The following CACNG7 variants were observed in gnomAD, a reference collection of about 807,000 sequenced individuals.
CACNG7 encodes the protein voltage-dependent calcium channel gamma-7 subunit.
Under a neutral mutation model 26.3 loss-of-function variants are expected in CACNG7, and 9 were observed. The observed-to-expected ratio is 0.34, with a 90% CI of 0.21 to 0.60. The LOEUF is 0.60. Ranked by LOEUF, CACNG7 falls within the 20% of genes least tolerant of loss-of-function variation. CACNG7 has a pLI of 0.81. For synonymous variants in CACNG7, 170 were observed against 157.0 expected (o/e 1.08, Z -0.62); for missense variants, 297 against 380.4 (o/e 0.78, Z 1.82).
rs1214329802 is a variant in CACNG7 at position 53,912,873 on chromosome 19, C to T, written c.42C>T (p.Ser14=). The T allele has an allele frequency of 1.9e-6, 3 of 1,613,852 alleles. No individual in the cohort carries two copies. The highest frequency in any genetic ancestry group is 2.2e-5 in the East Asian group (1 of 44,876). ...CSSRALTLLS[S]VFGACGLLLV... is the part of the protein sequence containing the mutation. ...GCCGCGCCCTGACCCTGCTGAGCAG[C>T]GTGTTTGGTGCGTGTGGCCTGCTCC... Residue 14 remains serine (S), a synonymous_variant, in exon 2 of 6, where the codon AGC becomes AGT. Transcript: ENST00000391767. The surrounding 1 kb of genome is among the most constrained non-coding windows in gnomAD (Gnocchi z 4.6).
At chr19:53,936,955 G>A (rs900625874) in intron 4 of CACNG7, among the ~76,000 whole-genome samples, 4 of 151,958 alleles carry the variant, frequency 2.6e-5, no homozygotes, top group East Asian at 1.9e-4. Flanking sequence ...TCACCCAGGC[G>A]GGAGTGCAGT....
chr19:53,909,395 CG>C lies in CACNG7; in HGVS notation c.-147del. ...GGGGCCGGGACGCCGGGCTCCGGGGCGGGGGCGGGGGGCGCGGGCACCGGCG... is the reference window on the plus strand; with the variant it reads ...GGGGCCGGGACGCCGGGCTCCGGGGCGGGGCGGGGGGCGCGGGCACCGGCG... On this transcript the variant is annotated 5_prime_UTR_variant, in exon 1 of 6. Coordinates refer to ENST00000391767, the MANE Select transcript of CACNG7 (RefSeq NM_031896.5). The surrounding 1 kb of genome is among the most constrained non-coding windows in gnomAD (Gnocchi z 5.1). 7.5e-6 allele frequency: 1 copy of C among 133,568 alleles called. No homozygotes were observed. Among genetic ancestry groups the C allele is most frequent in the South Asian group, 2.7e-4 (1 of 3,684 alleles). 8.3% of individuals were successfully genotyped at this position (133,568 alleles called of 1,614,324 possible).
At chr19:53,922,005 G>C (rs1379338243) in intron 4 of CACNG7, among the ~76,000 whole-genome samples, 2 of 87,250 alleles carry the variant, frequency 2.3e-5, no homozygotes, top group Non-Finnish European at 2.2e-5. Context: ...GTCATTGGTG[G>C]AGTTGTCCCC....
At chr19:53,941,803 TG>T in intron 5 of CACNG7, 188 bp downstream of exon 5, 1 of 868,934 alleles carries the variant, frequency 1.2e-6, no homozygotes, top group Non-Finnish European at 1.7e-6. Flanking sequence ...TTTGGGATCC[TG>T]GGGGAGGAGG....
At chr19:53,927,860 A>G (rs1406365861) in intron 4 of CACNG7, among the ~76,000 whole-genome samples, 1 of 144,288 alleles carries the variant, frequency 6.9e-6, no homozygotes, top group Non-Finnish European at 1.5e-5. Context: ...AAAAGGAAAG[A>G]AAAAAAGAAG....
At chr19:53,932,322 T>C (rs2069078624) in intron 4 of CACNG7, among the ~76,000 whole-genome samples, 1 of 151,660 alleles carries the variant, frequency 6.6e-6, no homozygotes, top group Non-Finnish European at 1.5e-5. Flanking sequence ...ATGAAATTCA[T>C]GGATCCTGCA....
At chr19:53,931,623 G>C (rs1031400706) in intron 4 of CACNG7, among the ~76,000 whole-genome samples, 1 of 146,882 alleles carries the variant, frequency 6.8e-6, no homozygotes, top group South Asian at 2.2e-4. Context: ...AGGAGGTGGA[G>C]GTTGCAGTGA....
chr19:53,931,759 CTTT>C (rs776971448), intron 4 of CACNG7, among the ~76,000 whole-genome samples: 3 of 108,744 alleles, frequency 2.8e-5, no homozygotes, highest in East Asian at 5.6e-4. Flanking sequence ...ACAACGCTGA[CTTT>C]TTTTTTTTTT....
intron 4 of CACNG7, among the ~76,000 whole-genome samples, chr19:53,937,118 G>C (rs916731468): frequency 2.0e-5 from 3 of 152,052 alleles, no homozygotes; most frequent in African/African-American, 4.8e-5. Flanking sequence ...TTGAGCTGCT[G>C]ACCTCAAGTG....
Position 53,909,874 on chromosome 19 carries a change from G to A in CACNG7, c.-30+357G>A, listed in dbSNP as rs1007642461. Among the ~76,000 whole-genome samples, 2 of 152,140 alleles carry A rather than the reference G, an allele frequency of 1.3e-5. No individual in the cohort carries two copies. Among genetic ancestry groups the A allele is most frequent in the African/African-American group, 4.8e-5 (2 of 41,434 alleles). ...GGGTCTGGAAAGGGGTCCCAGAAAG[G>A]GGGAGTTACGGTCTCCCGAGAGATG... is the stretch of plus-strand genomic sequence containing the variant. On this transcript the variant is annotated intron_variant, in intron 1 of 5. Transcript: ENST00000391767. The surrounding 1 kb of genome is among the most constrained non-coding windows in gnomAD (Gnocchi z 5.1).
chr19:53,942,034 A>AG lies in CACNG7; in HGVS notation c.574dup. 6.3e-7 allele frequency: 1 copy of AG among 1,583,256 alleles called. No individual in the cohort carries two copies. The highest frequency in any genetic ancestry group is 8.6e-7 in the Non-Finnish European group (1 of 1,159,916). Reference sequence around the variant, plus strand: ...TGGGACTCTGACCTTGCCTTGCCGCAGGGGGCCGGCGTGATGTCCGTGTAC... The same window carrying AG: ...TGGGACTCTGACCTTGCCTTGCCGCAGGGGGGCCGGCGTGATGTCCGTGTAC... On this transcript the variant is annotated splice_acceptor_variant, in intron 5 of 5. Transcript: ENST00000391767. LOFTEE classifies it high-confidence loss of function. This position sits in a 1 kb window ranked among gnomAD's most constrained non-coding sequence, Gnocchi z 5.9.
chr19:53,924,376 TC>T (rs2069002704), intron 4 of CACNG7, among the ~76,000 whole-genome samples: 1 of 137,380 alleles, frequency 7.3e-6, no homozygotes, highest in African/African-American at 2.8e-5. Context: ...CCAGGTCTGG[TC>T]ATTGGTGGAG....
At chr19:53,915,631 A>G in intron 4 of CACNG7, 126 bp downstream of exon 4, 2 of 1,078,194 alleles carry the variant, frequency 1.9e-6, no homozygotes, top group Admixed American at 2.4e-5. Flanking sequence ...TCTGAGCCCC[A>G]CTTTCCTTCT....
chr19:53,921,553 C>G (rs1158117143), intron 4 of CACNG7, among the ~76,000 whole-genome samples: 10 of 117,452 alleles, frequency 8.5e-5, no homozygotes, highest in African/African-American at 3.8e-4. Context: ...GGTGGAGTTG[C>G]CCCAGGCTGG....
At chr19:53,931,986 C>T (rs2069076241) in intron 4 of CACNG7, among the ~76,000 whole-genome samples, 1 of 151,552 alleles carries the variant, frequency 6.6e-6, no homozygotes, top group South Asian at 2.1e-4. Context: ...TGGTCTCGAT[C>T]TCCTGACCTC....
intron 2 of CACNG7, among the ~76,000 whole-genome samples, chr19:53,914,290 A>AAAAAAAAAAAG (rs2068880644): frequency 2.0e-5 from 2 of 101,668 alleles, no homozygotes; most frequent in African/African-American, 6.5e-5. Flanking sequence ...AAAAAAAAGA[A>AAAAAAAAAAAG]AAAAAGAAAA....
rs1001736838 is a variant in CACNG7 at position 53,940,780 on chromosome 19, C to T, written c.425-690C>T. Among the ~76,000 whole-genome samples, 8 of 151,934 alleles carry T rather than the reference C, an allele frequency of 5.3e-5. No homozygotes were observed. The highest frequency in any genetic ancestry group is 7.3e-5 in the African/African-American group (3 of 41,364). ...CTGGGCCTCATCCTTTAAGGCCGGG[C>T]GCGGTGGCTCAAACCTGTAATCTTA... is the stretch of plus-strand genomic sequence containing the variant. On this transcript the variant is annotated intron_variant, in intron 4 of 5. Coordinates refer to ENST00000391767, the MANE Select transcript of CACNG7 (RefSeq NM_031896.5). The surrounding 1 kb of genome is among the most constrained non-coding windows in gnomAD (Gnocchi z 4.1).
chr19:53,932,116 A>G (rs1380636438), intron 4 of CACNG7, among the ~76,000 whole-genome samples: 1 of 151,740 alleles, frequency 6.6e-6, no homozygotes, highest in East Asian at 1.9e-4. Context: ...AGCCAAGCAC[A>G]GTGACTCGAG....
chr19:53,919,097 C>A (rs1246645031), intron 4 of CACNG7, among the ~76,000 whole-genome samples: 1 of 152,144 alleles, frequency 6.6e-6, no homozygotes, highest in Non-Finnish European at 1.5e-5. Context: ...ATTTTTCTCC[C>A]CTTCTGGCCA....
Sources: gnomAD v4.1 joint callset for allele counts (sites outside exome capture counted in the v4.1 genomes callset) on GRCh38, gnomAD v4.1.1 for gene constraint, Gnocchi (gnomAD v3.1) non-coding constraint, MANE v1.5 for transcripts, NCBI Gene and HGNC (gene_info 2026-07-23, HGNC 2026-07-21) for gene names.